Variants in CAMSAP1 observed in about 807,000 individuals in gnomAD.
The protein encoded by CAMSAP1 is calmodulin-regulated spectrin-associated protein 1.
In CAMSAP1, 58 loss-of-function variants were observed where a neutral mutation model predicts 143.5. That is an observed-to-expected ratio of 0.40 (90% CI 0.33 to 0.50). CAMSAP1 has a LOEUF of 0.50. CAMSAP1 is among the 20% of genes least tolerant of loss of function. The pLI, the probability that CAMSAP1 is intolerant of heterozygous loss-of-function variation, is 0.45. For synonymous variants in CAMSAP1, 945 were observed against 859.3 expected (o/e 1.10, Z -1.74); for missense variants, 1,969 against 2,115.7 (o/e 0.93, Z 1.36).
chr9:135,868,609 ATTTTTTTTTTTT>A (rs767495608), intron 3 of CAMSAP1, among the ~76,000 whole-genome samples: 1 of 93,466 alleles, frequency 1.1e-5, no homozygotes, highest in Non-Finnish European at 2.0e-5. Context: ...GAGATTGGCA[ATTTTTTTTTTTT>A]TTTTTTTTTT....
rs908289146 is a variant in CAMSAP1 at position 135,820,849 on chromosome 9, A to C, written c.3812T>G (p.Phe1271Cys). 15 of 1,612,820 alleles carry C rather than the reference A, an allele frequency of 9.3e-6. No individual in the cohort carries two copies. The highest frequency in any genetic ancestry group is 1.3e-5 in the African/African-American group (1 of 74,914). ...SEGDQKPGVGFFFKDEQKAED... is the reference protein window; with the variant it reads ...SEGDQKPGVGCFFKDEQKAED... The stretch of plus-strand genomic sequence containing the variant: ...CTACCAATCCCTTACCTTGAAGAAG[A>C]AGCCGACCCCCGGCTTCTGGTCGCC... The change falls in exon 11 of 17, where the codon TTC becomes TGC. Residue 1271 changes from phenylalanine to cysteine, a missense_variant. This residue lies in a region of CAMSAP1 where 1,390 missense variants were observed against 1,420.8 expected (regional missense o/e 0.98). Transcript: ENST00000389532. This position sits in a 1 kb window ranked among gnomAD's most constrained non-coding sequence, Gnocchi z 4.4.
chr9:135,863,210 A>C (rs141604886), intron 4 of CAMSAP1, among the ~76,000 whole-genome samples: 8 of 152,288 alleles, frequency 5.3e-5, no homozygotes, highest in Non-Finnish European at 1.2e-4. Context: ...TCCAGAAGAC[A>C]AGTGTCTGCT....
chr9:135,881,536 G>A, intron 3 of CAMSAP1, 97 bp downstream of exon 3: 1 of 1,341,696 alleles, frequency 7.5e-7, no homozygotes, highest in Non-Finnish European at 1.0e-6. Flanking sequence ...ATGAAGGGCT[G>A]GGTCTCAGCG....
At chr9:135,829,597 T>C (rs2131680347) in intron 7 of CAMSAP1, among the ~76,000 whole-genome samples, 1 of 152,328 alleles carries the variant, frequency 6.6e-6, no homozygotes, top group Admixed American at 6.5e-5. Flanking sequence ...CTCACACCTG[T>C]AATCCCAGTA....
intron 8 of CAMSAP1, among the ~76,000 whole-genome samples, chr9:135,825,106 C>G (rs1410108924): frequency 6.6e-6 from 1 of 152,170 alleles, no homozygotes; most frequent in African/African-American, 2.4e-5. Context: ...CCCGATGTGT[C>G]TACAACACAA....
Position 135,850,388 on chromosome 9 carries a change from A to G in CAMSAP1, c.882T>C (p.Asn294=). The G allele has an allele frequency of 6.2e-7, 1 of 1,612,174 alleles. No individual in the cohort carries two copies. Among genetic ancestry groups the G allele is most frequent in the Non-Finnish European group, 8.5e-7 (1 of 1,179,366 alleles). ...YNIRLLREFS[N]EYLNKCFYLT... Reference sequence around the variant, plus strand: ...GATAAAAACATTTATTAAGATATTCATTGGAGAATTCTCTCAGAAGCCGAA... The same window carrying G: ...GATAAAAACATTTATTAAGATATTCGTTGGAGAATTCTCTCAGAAGCCGAA... Residue 294 remains asparagine (N), a synonymous_variant, in exon 6 of 17, where the codon AAT becomes AAC. Transcript: ENST00000389532.
intron 1 of CAMSAP1, among the ~76,000 whole-genome samples, chr9:135,886,001 C>T (rs1211133238): frequency 2.0e-5 from 3 of 151,668 alleles, no homozygotes; most frequent in Non-Finnish European, 2.9e-5. Context: ...GCAACTACTG[C>T]GAGAGCTGGA....
intron 11 of CAMSAP1, among the ~76,000 whole-genome samples, chr9:135,819,559 TGTGG>T (rs1835366855): frequency 6.7e-6 from 1 of 149,806 alleles, no homozygotes; most frequent in Admixed American, 6.7e-5. Context: ...ATTGGCTAGA[TGTGG>T]TGGCTCACGC....
At chr9:135,830,454 G>A (rs1835821417) in intron 7 of CAMSAP1, among the ~76,000 whole-genome samples, 2 of 152,214 alleles carry the variant, frequency 1.3e-5, no homozygotes, top group South Asian at 4.1e-4. Context: ...ATCGAAAACT[G>A]TCTCTAGAGA....
At chr9:135,892,867 A>AAAAAAAAAAAAAAAAAAAAAG (rs1554800261) in intron 1 of CAMSAP1, among the ~76,000 whole-genome samples, 1 of 147,750 alleles carries the variant, frequency 6.8e-6, no homozygotes, top group African/African-American at 2.5e-5. Flanking sequence ...AAAAAAAAAA[A>AAAAAAAAAAAAAAAAAAAAAG]GAACTAATCA....
intron 4 of CAMSAP1, chr9:135,865,435 A>C (rs1358812727): frequency 2.8e-6 from 4 of 1,449,186 alleles, no homozygotes; most frequent in Non-Finnish European, 3.8e-6. Context: ...TGGACGAGGT[A>C]ACACACACTT....
chr9:135,896,183 A>C (rs1311859259), intron 1 of CAMSAP1, among the ~76,000 whole-genome samples: 1 of 152,202 alleles, frequency 6.6e-6, no homozygotes, highest in East Asian at 1.9e-4. Flanking sequence ...CAAATTCAAC[A>C]ACTTAAGTAG....
intron 1 of CAMSAP1, 105 bp downstream of exon 1, chr9:135,906,895 C>T: frequency 1.4e-6 from 1 of 691,186 alleles, no homozygotes; most frequent in African/African-American, 1.9e-5. Context: ...GCGGACGCGG[C>T]ACAAAGGCGC....
chr9:135,810,365 G>C lies in CAMSAP1; in HGVS notation c.*944C>G, dbSNP rs1835003948. ...GCCGTGACCTAACAAAACCACTGAA[G>C]GGACTGTCAGCTTAAGTGCATCACC... On this transcript the variant is annotated 3_prime_UTR_variant, in exon 17 of 17. Transcript: ENST00000389532. The C allele has an allele frequency of 6.6e-6, 1 of 152,200 alleles. No individual in the cohort carries two copies. Among genetic ancestry groups the C allele is most frequent in the Admixed American group, 6.5e-5 (1 of 15,278 alleles). 9.4% of individuals were successfully genotyped at this position (152,200 alleles called of 1,614,324 possible).
chr9:135,862,159 AC>A (rs1233631158), intron 5 of CAMSAP1, among the ~76,000 whole-genome samples: 11 of 143,878 alleles, frequency 7.6e-5, no homozygotes, highest in African/African-American at 2.6e-4. Context: ...CCTCTCCACC[AC>A]CCCCCGCCCA....
chr9:135,832,213 T>G (rs1835881458), intron 7 of CAMSAP1, among the ~76,000 whole-genome samples: 1 of 152,188 alleles, frequency 6.6e-6, no homozygotes, highest in African/African-American at 2.4e-5. Flanking sequence ...TCAAAAAGAT[T>G]ATACACCATG....
At chr9:135,875,203 T>C (rs749722708) in intron 3 of CAMSAP1, among the ~76,000 whole-genome samples, 52 of 114,822 alleles carry the variant, frequency 4.5e-4, no homozygotes, top group Admixed American at 2.8e-3. Flanking sequence ...CCTAGAATAG[T>C]GAAAACAATT....
At position 135,821,984 on chromosome 9, in the gene CAMSAP1, C is replaced by T. The variant is rs757276991; in HGVS notation, c.2677G>A (p.Glu893Lys). 14 of 1,612,744 alleles carry T rather than the reference C, an allele frequency of 8.7e-6. No homozygotes were observed. In the African/African-American group the frequency reaches 1.3e-4, roughly 15 times the overall value. ...GCCTCCATCTTCTTCTTCTGGGCCT[C>T]GATGGCCCTGCGCTTCTCCTCCAGC... is the stretch of plus-strand genomic sequence containing the variant. Reference protein sequence around the residue: ...MQLEEKRRAIEAQKKKMEALS... With the variant: ...MQLEEKRRAIKAQKKKMEALS... Residue 893 changes from glutamate to lysine, a missense_variant, in exon 11 of 17, where the codon GAG becomes AAG. Glu to Lys is a moderately conservative substitution (Grantham distance 56, BLOSUM62 1). Around this residue, in one of 4 missense-constraint regions of CAMSAP1, gnomAD observed 1,390 missense variants for 1,420.8 expected, o/e 0.98. Transcript: ENST00000389532. The surrounding 1 kb of genome is among the most constrained non-coding windows in gnomAD (Gnocchi z 4.6).
intron 8 of CAMSAP1, among the ~76,000 whole-genome samples, chr9:135,827,118 C>T (rs1440053216): frequency 1.3e-5 from 2 of 152,140 alleles, no homozygotes; most frequent in South Asian, 2.1e-4. Context: ...ATCTTTAGAT[C>T]GTTTCTTAAA....
Sources: allele counts gnomAD v4.1 joint callset (sites outside exome capture counted in the v4.1 genomes callset), GRCh38; gene constraint gnomAD v4.1.1; regional missense constraint gnomAD v4.1.1; non-coding constraint Gnocchi (gnomAD v3.1); transcripts MANE v1.5; gene names NCBI Gene and HGNC (gene_info 2026-07-23, HGNC 2026-07-21).